Variants in PAN3 observed in about 807,000 individuals in gnomAD.
PAN3 encodes poly(A) specific ribonuclease subunit PAN3, also known as PAN2-PAN3 deadenylation complex subunit PAN3.
In PAN3, 19 loss-of-function variants were observed where a neutral mutation model predicts 96.2. The ratio of observed to expected loss-of-function variants is 0.20; its 90% CI spans 0.14 to 0.29. The LOEUF (loss-of-function observed/expected upper bound fraction) is 0.29. Ranked by LOEUF, PAN3 falls within the 10% of genes least tolerant of loss-of-function variation. The probability of loss-of-function intolerance (pLI) is 1.00; values close to 1 mark genes in which losing one functional copy is unlikely to be tolerated. For synonymous variants in PAN3, 433 were observed against 406.6 expected, an observed-to-expected ratio of 1.06 and a Z score of -0.78; for missense variants, 882 against 1,108.1, an observed-to-expected ratio of 0.80 and a Z score of 2.90.
intron 2 of PAN3, among the ~76,000 whole-genome samples, chr13:28,175,208 G>C (rs1255723622): frequency 6.6e-6 from 1 of 152,078 alleles, no homozygotes; most frequent in African/African-American, 2.4e-5. Context: ...ATTACAATAG[G>C]ATATTTAAAC....
intron 5 of PAN3, among the ~76,000 whole-genome samples, chr13:28,203,629 A>T (rs1879001665): frequency 6.6e-6 from 1 of 151,992 alleles, no homozygotes; most frequent in Non-Finnish European, 1.5e-5. Context: ...GTATTTAAAA[A>T]AATTAATCAT....
At position 28,267,220 on chromosome 13, in the gene PAN3, C is replaced by T. The variant is rs772056064; in HGVS notation, c.1690+9C>T. The T allele has an allele frequency of 1.2e-6, 2 of 1,611,946 alleles. No homozygotes were observed. The highest frequency in any genetic ancestry group is 1.7e-6 in the Non-Finnish European group (2 of 1,178,168). ...AGCATTTGCTGAGCCCTGTGAGTAA[C>T]TTGTAATTTGTCTTTCTGCTGGTGA... On this transcript the variant is annotated intron_variant, in intron 11 of 18. Coordinates refer to ENST00000380958, the MANE Select transcript of PAN3 (RefSeq NM_175854.8).
chr13:28,250,478 G>C (rs1197497529), intron 6 of PAN3, among the ~76,000 whole-genome samples: 1 of 152,030 alleles, frequency 6.6e-6, no homozygotes, highest in Non-Finnish European at 1.5e-5. Flanking sequence ...TGATTCTTCT[G>C]CCTCAGCCTC....
At chr13:28,187,793 A>G (rs1222572232) in intron 4 of PAN3, among the ~76,000 whole-genome samples, 2 of 152,228 alleles carry the variant, frequency 1.3e-5, no homozygotes, top group South Asian at 2.1e-4. Context: ...TCCGACTTCA[A>G]GTGATCCTCC....
At chr13:28,280,630 C>T (rs577150782) in intron 16 of PAN3, 89 bp downstream of exon 16, 142 of 1,195,466 alleles carry the variant, frequency 1.2e-4, no homozygotes, top group Non-Finnish European at 1.5e-4. Flanking sequence ...GGTGCTATCT[C>T]GGCTTACTGT....
At chr13:28,195,986 A>AC (rs1243272198) in intron 4 of PAN3, among the ~76,000 whole-genome samples, 1 of 151,822 alleles carries the variant, frequency 6.6e-6, no homozygotes, top group Non-Finnish European at 1.5e-5. Flanking sequence ...TATACTAGAA[A>AC]ACATTATTAA....
chr13:28,205,988 CTTGA>C (rs1879306072), intron 5 of PAN3, among the ~76,000 whole-genome samples: 1 of 151,790 alleles, frequency 6.6e-6, no homozygotes, highest in African/African-American at 2.4e-5. Flanking sequence ...TGAAGGCCAT[CTTGA>C]TTTTTTTCCA....
Position 28,288,044 on chromosome 13 carries a change from G to A in PAN3, c.2445G>A (p.Arg815=), listed in dbSNP as rs771770400. 5 of 1,613,422 alleles carry A rather than the reference G, an allele frequency of 3.1e-6. No homozygotes were observed. The South Asian group carries it at 3.3e-5, about 11-fold the overall frequency. The change falls in exon 18 of 19, where the codon AGG becomes AGA. Residue 815 remains arginine (R), a synonymous_variant. Coordinates refer to ENST00000380958, the MANE Select transcript of PAN3 (RefSeq NM_175854.8). ...ACCGTTATCTGTTGAAACTCTTTAG[G>A]GATCATCTTTTTCATCAGGTGACAG... ...TGDRYLLKLF[R]DHLFHQVTEA...
intron 9 of PAN3, among the ~76,000 whole-genome samples, chr13:28,262,688 G>T (rs865798753): frequency 7.0e-6 from 1 of 143,260 alleles, no homozygotes; most frequent in Non-Finnish European, 1.5e-5. Flanking sequence ...TCATGTGACT[G>T]CAGATTAGAC....
chr13:28,169,222 CTTTTTTTTTTTTT>C (rs202200725), intron 1 of PAN3, among the ~76,000 whole-genome samples: 5 of 74,988 alleles, frequency 6.7e-5, no homozygotes, highest in Admixed American at 2.0e-4. Flanking sequence ...TTTTTGTTTG[CTTTTTTTTTTTTT>C]TTTTTTTTTT....
chr13:28,274,180 C>T (rs1419841777), intron 14 of PAN3, among the ~76,000 whole-genome samples: 3 of 152,284 alleles, frequency 2.0e-5, no homozygotes, highest in African/African-American at 7.2e-5. Flanking sequence ...GTTTTTCCCC[C>T]AGCAGCATCA....
chr13:28,169,533 A>AT, intron 1 of PAN3, among the ~76,000 whole-genome samples: 1 of 151,300 alleles, frequency 6.6e-6, no homozygotes, highest in African/African-American at 2.4e-5. Flanking sequence ...GCCCGGCTGT[A>AT]TTTTTCTCTT....
chr13:28,217,494 A>G (rs1336778676), intron 5 of PAN3, among the ~76,000 whole-genome samples: 2 of 152,040 alleles, frequency 1.3e-5, no homozygotes, highest in Non-Finnish European at 2.9e-5. Flanking sequence ...AGGCAGGACA[A>G]TCACTTGAAC....
At chr13:28,185,952 A>G (rs2138163597) in intron 4 of PAN3, among the ~76,000 whole-genome samples, 1 of 152,302 alleles carries the variant, frequency 6.6e-6, no homozygotes, top group African/African-American at 2.4e-5. Context: ...GGAGGTAGGT[A>G]TGGGGAATGA....
chr13:28,219,328 C>T (rs1292962873), intron 5 of PAN3, among the ~76,000 whole-genome samples: 2 of 151,860 alleles, frequency 1.3e-5, no homozygotes, highest in Non-Finnish European at 2.9e-5. Flanking sequence ...TTTTATTTAA[C>T]TTTAGCTGGC....
intron 5 of PAN3, among the ~76,000 whole-genome samples, chr13:28,216,199 G>GAA (rs35775689): frequency 3.7e-5 from 5 of 133,762 alleles, no homozygotes; most frequent in East Asian, 4.2e-4. Context: ...AGTTTAGTGA[G>GAA]AAAAAAAAAA....
rs1180899721 is a variant in PAN3, at chr13:28,157,752, CAA to C, written c.431-16519_431-16518del. 2.0e-5 allele frequency among the ~76,000 whole-genome samples: 3 copies of C among 152,118 alleles called. No individual in the cohort carries two copies. In the South Asian group the frequency reaches 6.2e-4, roughly 32 times the overall value. On this transcript the variant is annotated intron_variant, in intron 1 of 18. Coordinates refer to ENST00000380958, the MANE Select transcript of PAN3 (RefSeq NM_175854.8). Reference sequence around the variant, plus strand: ...TTCGATGCTCATGGATAGGAAGAATCAATATTGTTAAAATGGCCATACTGCCC... The same window carrying C: ...TTCGATGCTCATGGATAGGAAGAATCTATTGTTAAAATGGCCATACTGCCC...
intron 1 of PAN3, among the ~76,000 whole-genome samples, chr13:28,153,634 G>A (rs1267313910): frequency 1.3e-5 from 2 of 152,184 alleles, no homozygotes; most frequent in East Asian, 1.9e-4. Flanking sequence ...GGGAAACTTC[G>A]ATTTCTGTAT....
At chr13:28,233,942 T>C (rs1016449962) in intron 6 of PAN3, among the ~76,000 whole-genome samples, 12 of 152,208 alleles carry the variant, frequency 7.9e-5, no homozygotes, top group Non-Finnish European at 1.5e-5. Flanking sequence ...TTTCCCAAGG[T>C]GCTTTTAAAA....
Sources: gnomAD v4.1 joint callset for allele counts (sites outside exome capture counted in the v4.1 genomes callset) on GRCh38, gnomAD v4.1.1 for gene constraint, MANE v1.5 for transcripts, NCBI Gene and HGNC (gene_info 2026-07-23, HGNC 2026-07-21) for gene names.